Variants in PTPN13 observed in about 807,000 individuals in gnomAD.
PTPN13 encodes tyrosine-protein phosphatase non-receptor type 13.
Under a neutral mutation model 284.0 loss-of-function variants are expected in PTPN13, and 191 were observed. The observed-to-expected ratio is 0.67, with a 90% CI of 0.60 to 0.76. The LOEUF (loss-of-function observed/expected upper bound fraction) is 0.76, where lower values mean the gene tolerates loss of function less well. Ranked by LOEUF, PTPN13 falls within the 30% of genes least tolerant of loss-of-function variation. PTPN13 has a pLI of 0.00. For missense variants in PTPN13, 2,797 were observed against 2,939.9 expected, an observed-to-expected ratio of 0.95 and a Z score of 1.12; for synonymous variants, 986 against 1,022.3, an observed-to-expected ratio of 0.96 and a Z score of 0.68.
chr4:86,702,403 C>T (rs1032421414), intron 7 of PTPN13, among the ~76,000 whole-genome samples: 1 of 152,148 alleles, frequency 6.6e-6, no homozygotes, highest in African/African-American at 2.4e-5. Context: ...GAATTAGTTC[C>T]TCCATTAGTA....
chr4:86,661,800 T>G (rs1221723488), intron 2 of PTPN13, among the ~76,000 whole-genome samples: 1 of 152,202 alleles, frequency 6.6e-6, no homozygotes, highest in Non-Finnish European at 1.5e-5. Context: ...ATGCCAGTCA[T>G]CATCTTTGAT....
intron 9 of PTPN13, among the ~76,000 whole-genome samples, chr4:86,717,491 T>C (rs977299596): frequency 6.6e-6 from 1 of 152,130 alleles, no homozygotes; most frequent in Non-Finnish European, 1.5e-5. Flanking sequence ...GAATTTGTTT[T>C]TTTACTATCC....
At chr4:86,678,490 CT>C (rs1404463044) in intron 3 of PTPN13, among the ~76,000 whole-genome samples, 1 of 152,182 alleles carries the variant, frequency 6.6e-6, no homozygotes, top group Non-Finnish European at 1.5e-5. Flanking sequence ...TGACTATTTG[CT>C]GACAGATCCC....
intron 32 of PTPN13, among the ~76,000 whole-genome samples, chr4:86,773,938 A>G (rs1371956297): frequency 6.6e-6 from 1 of 152,164 alleles, no homozygotes; most frequent in Non-Finnish European, 1.5e-5. Context: ...ACCAAAAAAA[A>G]AGCTTTGTTG....
At chr4:86,786,148 GA>G (rs200648968) in intron 40 of PTPN13, among the ~76,000 whole-genome samples, 33 of 148,686 alleles carry the variant, frequency 2.2e-4, no homozygotes, top group Admixed American at 4.0e-4. Context: ...AAAAAAAATA[GA>G]AAAAAAAACA....
chr4:86,661,900 C>T (rs1173013238), intron 2 of PTPN13, among the ~76,000 whole-genome samples: 1 of 152,040 alleles, frequency 6.6e-6, no homozygotes, highest in East Asian at 1.9e-4. Flanking sequence ...TGTGTCTGCT[C>T]CTCTTACACC....
intron 1 of PTPN13, among the ~76,000 whole-genome samples, chr4:86,601,845 T>G (rs1764318885): frequency 6.6e-6 from 1 of 152,228 alleles, no homozygotes; most frequent in Non-Finnish European, 1.5e-5. Context: ...ATCCAACATT[T>G]GTATACCTAG....
intron 2 of PTPN13, among the ~76,000 whole-genome samples, chr4:86,638,102 T>C (rs1276835077): frequency 3.4e-4 from 51 of 152,128 alleles, no homozygotes; most frequent in Admixed American, 1.6e-3. Flanking sequence ...AATAAAATAC[T>C]TAGGAATCCA....
At chr4:86,782,089 G>A (rs10084902) in intron 36 of PTPN13, 112 bp from the exon 37 acceptor site, 58,549 of 657,110 alleles carry the variant, frequency 0.089, 3,105 homozygotes, top group Non-Finnish European at 0.11. Flanking sequence ...TTATTTTTGT[G>A]TACTAATAAA....
intron 40 of PTPN13, among the ~76,000 whole-genome samples, chr4:86,791,252 G>A (rs772721200): frequency 1.6e-4 from 25 of 152,322 alleles, no homozygotes; most frequent in Middle Eastern, 3.4e-3. Context: ...CAGCGCAGCA[G>A]TCTGAGATCA....
intron 3 of PTPN13, among the ~76,000 whole-genome samples, chr4:86,683,789 G>A (rs1488955864): frequency 6.6e-6 from 1 of 152,122 alleles, no homozygotes; most frequent in Non-Finnish European, 1.5e-5. Context: ...ATATTGAGAA[G>A]TAAGTATAAT....
chr4:86,703,291 GA>G (rs1336276213), intron 7 of PTPN13, among the ~76,000 whole-genome samples: 1 of 152,084 alleles, frequency 6.6e-6, no homozygotes, highest in African/African-American at 2.4e-5. Flanking sequence ...TGTGATAGCA[GA>G]GAGATTAGGC....
At chr4:86,757,778 ATCCAGTTT>A (rs1264357097) in intron 20 of PTPN13, among the ~76,000 whole-genome samples, 1 of 151,764 alleles carries the variant, frequency 6.6e-6, no homozygotes, top group African/African-American at 2.4e-5. Context: ...AAAAAAAAAA[ATCCAGTTT>A]CCTCTTGCTA....
intron 1 of PTPN13, among the ~76,000 whole-genome samples, chr4:86,598,041 A>T (rs1342208515): frequency 6.6e-6 from 1 of 152,214 alleles, no homozygotes; most frequent in Non-Finnish European, 1.5e-5. Context: ...CATAGTATAA[A>T]AAGTGTGGAG....
At chr4:86,699,980 C>A (rs1485431703) in intron 6 of PTPN13, among the ~76,000 whole-genome samples, 3 of 152,094 alleles carry the variant, frequency 2.0e-5, no homozygotes, top group Non-Finnish European at 4.4e-5. Context: ...TCTTGGTGTT[C>A]TTTATCTGAT....
chr4:86,645,404 A>G lies in PTPN13; in HGVS notation c.115+10033A>G, dbSNP rs1398758755. Among the ~76,000 whole-genome samples the G allele has an allele frequency of 2.0e-5, 3 of 152,180 alleles. No individual in the cohort carries two copies. The East Asian group carries it at 5.8e-4, about 29-fold the overall frequency. On this transcript the variant is annotated intron_variant, in intron 2 of 47. Coordinates refer to ENST00000411767, the MANE Select transcript of PTPN13 (RefSeq NM_080683.3). Reference sequence around the variant, plus strand: ...AGTACAAATAAAGCAAGACAAATAAAAGGCATCCAGATTAGAAAAAAGCAG... The same window carrying G: ...AGTACAAATAAAGCAAGACAAATAAGAGGCATCCAGATTAGAAAAAAGCAG...
intron 1 of PTPN13, among the ~76,000 whole-genome samples, chr4:86,596,066 C>G (rs1027538614): frequency 1.3e-5 from 2 of 152,126 alleles, no homozygotes; most frequent in African/African-American, 4.8e-5. Context: ...CAGAGGCGCA[C>G]TGACTGACGT....
chr4:86,751,921 G>GTT (rs1327461596), intron 19 of PTPN13, among the ~76,000 whole-genome samples: 7 of 142,354 alleles, frequency 4.9e-5, no homozygotes, highest in South Asian at 4.4e-4. Flanking sequence ...GAAATTGTAT[G>GTT]TATGTGTGTG....
chr4:86,739,750 C>CAAGT (rs1408667974), intron 15 of PTPN13, among the ~76,000 whole-genome samples: 1 of 152,178 alleles, frequency 6.6e-6, no homozygotes, highest in Non-Finnish European at 1.5e-5. Flanking sequence ...TGAGATAAGG[C>CAAGT]AAGTCCCTTC....
Sources: gnomAD v4.1 joint callset for allele counts (sites outside exome capture counted in the v4.1 genomes callset) on GRCh38, gnomAD v4.1.1 for gene constraint, MANE v1.5 for transcripts, NCBI Gene and HGNC (gene_info 2026-07-23, HGNC 2026-07-21) for gene names.